Variants in EXD1 observed in about 807,000 individuals in gnomAD.
EXD1 encodes piRNA biogenesis protein EXD1.
A neutral mutation model predicts 49.1 loss-of-function variants in EXD1; 63 were observed. The ratio of observed to expected loss-of-function variants is 1.28; its 90% CI spans 1.05 to 1.58. The LOEUF is 1.58. Among genes scored for constraint, EXD1 ranks in the 40% most tolerant of loss-of-function variants. The pLI, the probability that EXD1 is intolerant of heterozygous loss-of-function variation, is 0.00. For synonymous variants in EXD1, 234 were observed against 239.2 expected (o/e 0.98, Z 0.20); for missense variants, 748 against 666.0 (o/e 1.12, Z -1.36).
intron 7 of EXD1, among the ~76,000 whole-genome samples, chr15:41,205,881 T>C (rs75544688): frequency 7.0e-6 from 1 of 142,690 alleles, no homozygotes; most frequent in Admixed American, 7.0e-5. Flanking sequence ...AATTTGGTCT[T>C]TTTTTTTTTT....
chr15:41,209,797 A>T (rs950506959), intron 6 of EXD1, among the ~76,000 whole-genome samples: 5 of 152,188 alleles, frequency 3.3e-5, no homozygotes, highest in Non-Finnish European at 5.9e-5. Context: ...TGTTTTAGCA[A>T]AAGTGTTCCA....
chr15:41,204,454 G>C (rs2046791218), intron 7 of EXD1, among the ~76,000 whole-genome samples: 1 of 152,026 alleles, frequency 6.6e-6, no homozygotes, highest in Non-Finnish European at 1.5e-5. Flanking sequence ...GGGAGGCTGA[G>C]GCAGGAGAAT....
intron 2 of EXD1, among the ~76,000 whole-genome samples, chr15:41,222,388 T>G (rs2047101637): frequency 6.6e-6 from 1 of 152,148 alleles, no homozygotes; most frequent in African/African-American, 2.4e-5. Context: ...AGTGCTGAGA[T>G]TATAGGCATG....
At chr15:41,214,130 G>T (rs1397533141) in intron 6 of EXD1, among the ~76,000 whole-genome samples, 1 of 152,068 alleles carries the variant, frequency 6.6e-6, no homozygotes, top group Non-Finnish European at 1.5e-5. Flanking sequence ...TAGTGCCACT[G>T]CACTCCAGCC....
intron 2 of EXD1, among the ~76,000 whole-genome samples, chr15:41,222,878 G>C (rs1288982683): frequency 7.0e-6 from 1 of 143,004 alleles, no homozygotes; most frequent in Non-Finnish European, 1.5e-5. Context: ...AGAGGTTCCA[G>C]TGAATCAAGA....
chr15:41,210,659 GT>G (rs2046908095), intron 6 of EXD1, among the ~76,000 whole-genome samples: 1 of 143,558 alleles, frequency 7.0e-6, no homozygotes, highest in African/African-American at 2.9e-5. Flanking sequence ...ACTTCAGCCT[GT>G]GTAAAAAAAA....
chr15:41,184,074 T>C lies in EXD1; in HGVS notation c.1576A>G (p.Met526Val), dbSNP rs764657350. ...DLKCTKQAVSMSSFPQETRVS... is the reference protein window; with the variant it reads ...DLKCTKQAVSVSSFPQETRVS... ...CTGGTTTCCTGAGGAAAGGAAGACA[T>C]TGAAACAGCCTGTTTTGTGCATTTT... The change falls in exon 12 of 12, where the codon ATG becomes GTG. Residue 526 changes from methionine (M) to valine (V), a missense_variant. Transcript: ENST00000458580. 3.7e-6 allele frequency: 6 copies of C among 1,614,200 alleles called. No individual in the cohort carries two copies. The Admixed American group carries it at 5.0e-5, about 13-fold the overall frequency.
chr15:41,201,731 G>A (rs546600868), intron 7 of EXD1, among the ~76,000 whole-genome samples: 5 of 152,042 alleles, frequency 3.3e-5, no homozygotes, highest in East Asian at 3.9e-4. Flanking sequence ...CTCGTGATCC[G>A]CCTGCCTCGG....
chr15:41,203,950 A>G (rs1399722653), intron 7 of EXD1, among the ~76,000 whole-genome samples: 4 of 135,234 alleles, frequency 3.0e-5, no homozygotes, highest in East Asian at 2.1e-4. Context: ...AAAAACCCTA[A>G]AAATATTACT....
chr15:41,223,427 A>T (rs59758995), intron 2 of EXD1, among the ~76,000 whole-genome samples: 8 of 151,342 alleles, frequency 5.3e-5, no homozygotes, highest in Non-Finnish European at 1.0e-4. Context: ...GTCAAAAAAA[A>T]TTTTTTTTCG....
intron 2 of EXD1, among the ~76,000 whole-genome samples, chr15:41,222,140 C>A (rs902090820): frequency 6.6e-6 from 1 of 151,980 alleles, no homozygotes; most frequent in Non-Finnish European, 1.5e-5. Flanking sequence ...CGGGGCCAGG[C>A]ACGGTGGCTC....
intron 11 of EXD1, among the ~76,000 whole-genome samples, chr15:41,188,118 A>G (rs1272245765): frequency 6.6e-6 from 1 of 152,128 alleles, no homozygotes; most frequent in Non-Finnish European, 1.5e-5. Flanking sequence ...TCCTGTAAAG[A>G]ACAAAACAGC....
chr15:41,220,792 C>T (rs2047076394), intron 2 of EXD1, among the ~76,000 whole-genome samples: 3 of 152,174 alleles, frequency 2.0e-5, no homozygotes, highest in Admixed American at 2.0e-4. Flanking sequence ...TCCACCCTCA[C>T]TATTCCACTG....
At chr15:41,215,877 A>C in intron 5 of EXD1, 44 bp from the exon 6 acceptor site, 1 of 1,588,040 alleles carries the variant, frequency 6.3e-7, no homozygotes, top group Non-Finnish European at 8.6e-7. Flanking sequence ...CTTCCTCAGC[A>C]ACAGAATAGC....
Position 41,203,997 on chromosome 15 carries a change from G to T in EXD1, c.534+5504C>A, listed in dbSNP as rs372323396. Among the ~76,000 whole-genome samples the T allele has an allele frequency of 4.9e-5, 7 of 144,116 alleles. No homozygotes were observed. The East Asian group carries it at 1.1e-3, about 22-fold the overall frequency. 94.5% of individuals were successfully genotyped at this position (144,116 alleles called of 152,430 possible). ...GCGGTGGCTCACACCTGTAATCCCA[G>T]CACTTTGGGAGGCCAAGGAAGGAGG... On this transcript the variant is annotated intron_variant, in intron 7 of 11. Coordinates refer to ENST00000458580, the MANE Select transcript of EXD1 (RefSeq NM_001286441.2).
chr15:41,216,675 G>T lies in EXD1; in HGVS notation c.381C>A (p.Ser127Arg), dbSNP rs185966874. The stretch of plus-strand genomic sequence containing the variant: ...CAGAGCCCCTATATTCACCTGATGG[G>T]CTGTACTTGAGGTCATTCAGCAGAG... ...ATSLLNDLKYSPSEEEEVTYT... is the reference protein window; with the variant it reads ...ATSLLNDLKYRPSEEEEVTYT... Residue 127 changes from serine (S) to arginine (R), a missense_variant, in exon 5 of 12, where the codon AGC becomes AGA. Coordinates refer to ENST00000458580, the MANE Select transcript of EXD1 (RefSeq NM_001286441.2). 6.2e-7 allele frequency: 1 copy of T among 1,611,868 alleles called. No individual in the cohort carries two copies.
intron 11 of EXD1, among the ~76,000 whole-genome samples, chr15:41,186,456 G>T (rs2046408661): frequency 1.3e-5 from 1 of 77,392 alleles, no homozygotes; most frequent in African/African-American, 3.9e-5. Flanking sequence ...TGGGTGATGA[G>T]CAAGACTCTG....
rs181743159 is a variant in EXD1 at position 41,211,704 on chromosome 15, A to G, written c.448-2117T>C. ...GCTGGGCGCAGTGGCTCACGCCTGT[A>G]ATCCCAGTACTTTGGGAGGCCGAGG... On this transcript the variant is annotated intron_variant, in intron 6 of 11. Coordinates refer to ENST00000458580, the MANE Select transcript of EXD1 (RefSeq NM_001286441.2). 1.7e-3 allele frequency among the ~76,000 whole-genome samples: 256 copies of G among 151,800 alleles called. 1 individual carries two copies. Among genetic ancestry groups the G allele is most frequent in the African/African-American group, 5.8e-3 (241 of 41,352 alleles).
At chr15:41,225,304 G>A (rs1007448028) in intron 2 of EXD1, among the ~76,000 whole-genome samples, 2 of 152,142 alleles carry the variant, frequency 1.3e-5, no homozygotes, top group Non-Finnish European at 2.9e-5. Context: ...GAAATTAAAG[G>A]GCCAGCATAG....
Sources: allele counts gnomAD v4.1 joint callset (sites outside exome capture counted in the v4.1 genomes callset), GRCh38; gene constraint gnomAD v4.1.1; transcripts MANE v1.5; gene names NCBI Gene and HGNC (gene_info 2026-07-23, HGNC 2026-07-21).